The following SLC35F4 variants were observed in gnomAD, a reference collection of about 807,000 sequenced individuals.
The protein encoded by SLC35F4 is solute carrier family 35 member F4.
Under a neutral mutation model 44.2 loss-of-function variants are expected in SLC35F4, and 24 were observed. The observed-to-expected ratio is 0.54, with a 90% CI of 0.39 to 0.76. SLC35F4 has a LOEUF of 0.76. Among genes scored for constraint, SLC35F4 ranks in the 30% least tolerant of loss-of-function variants. SLC35F4 has a pLI of 0.00. For synonymous variants in SLC35F4, 238 were observed against 223.6 expected, an observed-to-expected ratio of 1.06 and a Z score of -0.57; for missense variants, 562 against 586.1, an observed-to-expected ratio of 0.96 and a Z score of 0.42.
intron 1 of SLC35F4, among the ~76,000 whole-genome samples, 152 bp downstream of exon 1, chr14:57,865,570 CG>C (rs1444307752): frequency 1.3e-5 from 2 of 152,248 alleles, no homozygotes; most frequent in South Asian, 2.1e-4. Flanking sequence ...CTTTTCTCCC[CG>C]GGGGGTCCCC....
intron 1 of SLC35F4, among the ~76,000 whole-genome samples, chr14:57,739,190 G>C (rs2076543514): frequency 1.3e-5 from 2 of 152,072 alleles, no homozygotes; most frequent in African/African-American, 4.8e-5. Flanking sequence ...GTACCTCCGG[G>C]TGGTAAATGG....
At chr14:57,631,727 A>T (rs2072786758) in intron 1 of SLC35F4, among the ~76,000 whole-genome samples, 1 of 152,164 alleles carries the variant, frequency 6.6e-6, no homozygotes, top group South Asian at 2.1e-4. Context: ...GTTTTTGATT[A>T]TCAGTGTAGT....
chr14:57,939,814 T>C (rs17093978), intron 1 of SLC35F4, among the ~76,000 whole-genome samples: 14,973 of 152,182 alleles, frequency 0.098, 1,264 homozygotes, highest in African/African-American at 0.23. Context: ...AGTTATAGAG[T>C]AAGTTACATT....
At chr14:57,896,061 C>T (rs550447001) in intron 1 of SLC35F4, among the ~76,000 whole-genome samples, 19 of 152,222 alleles carry the variant, frequency 1.2e-4, no homozygotes, top group East Asian at 7.7e-4. Context: ...CAAAATGCAG[C>T]GCAGACTGAT....
intron 1 of SLC35F4, among the ~76,000 whole-genome samples, chr14:57,954,831 C>T (rs867152284): frequency 3.3e-5 from 5 of 151,580 alleles, no homozygotes; most frequent in Non-Finnish European, 7.4e-5. Flanking sequence ...GATTCACAGC[C>T]GAATTCTACC....
chr14:57,618,515 G>A (rs2071988935), intron 1 of SLC35F4, among the ~76,000 whole-genome samples: 1 of 152,206 alleles, frequency 6.6e-6, no homozygotes, highest in South Asian at 2.1e-4. Context: ...CCCAGATACT[G>A]CGCTTTTCCC....
At chr14:57,940,196 T>C (rs1052438013) in intron 1 of SLC35F4, among the ~76,000 whole-genome samples, 2 of 152,192 alleles carry the variant, frequency 1.3e-5, no homozygotes, top group African/African-American at 4.8e-5. Flanking sequence ...AGTATTGTCA[T>C]CCATTGAATT....
intron 1 of SLC35F4, among the ~76,000 whole-genome samples, chr14:57,741,862 A>G (rs1164253316): frequency 2.0e-5 from 3 of 152,196 alleles, no homozygotes; most frequent in Non-Finnish European, 4.4e-5. Context: ...CCAGCAGACT[A>G]ACAGCAGATC....
intron 1 of SLC35F4, among the ~76,000 whole-genome samples, chr14:57,920,889 A>G (rs1440758401): frequency 6.6e-6 from 1 of 152,222 alleles, no homozygotes; most frequent in Non-Finnish European, 1.5e-5. Flanking sequence ...ACATTTTTAC[A>G]TCAAATGTAT....
chr14:57,622,847 AT>A (rs1033607069), intron 1 of SLC35F4, among the ~76,000 whole-genome samples: 3 of 151,848 alleles, frequency 2.0e-5, no homozygotes, highest in African/African-American at 7.2e-5. Flanking sequence ...AAATAAAAAA[AT>A]TAAAAAAACC....
At chr14:57,803,120 T>C (rs2078231242) in intron 1 of SLC35F4, among the ~76,000 whole-genome samples, 1 of 152,156 alleles carries the variant, frequency 6.6e-6, no homozygotes, top group East Asian at 1.9e-4. Context: ...TCAAGTTGTC[T>C]TCATCCCCAG....
chr14:57,670,112 T>C (rs1284869757), intron 1 of SLC35F4, among the ~76,000 whole-genome samples: 1 of 152,184 alleles, frequency 6.6e-6, no homozygotes, highest in Non-Finnish European at 1.5e-5. Flanking sequence ...TCTGGTTTAT[T>C]TGCATAGAGG....
At chr14:57,593,298 C>T (rs1188129140) in intron 2 of SLC35F4, among the ~76,000 whole-genome samples, 1 of 152,166 alleles carries the variant, frequency 6.6e-6, no homozygotes, top group African/African-American at 2.4e-5. Context: ...GTCTAGTGGA[C>T]CCAGCTGCAT....
At chr14:57,675,514 T>C (rs2074663513) in intron 1 of SLC35F4, among the ~76,000 whole-genome samples, 1 of 152,060 alleles carries the variant, frequency 6.6e-6, no homozygotes, top group Admixed American at 6.6e-5. Context: ...TTTCTTTCTC[T>C]CGTCTGATTG....
intron 1 of SLC35F4, among the ~76,000 whole-genome samples, chr14:57,745,560 C>T (rs1342882067): frequency 2.0e-5 from 3 of 151,992 alleles, no homozygotes; most frequent in Admixed American, 6.6e-5. Context: ...GTTAGAATGG[C>T]GATCATTAAA....
At chr14:57,659,389 G>A (rs1446809515) in intron 1 of SLC35F4, among the ~76,000 whole-genome samples, 1 of 152,146 alleles carries the variant, frequency 6.6e-6, no homozygotes, top group African/African-American at 2.4e-5. Context: ...AGCAGTCAGA[G>A]TTTTTAAGTT....
At chr14:57,769,056 T>C (rs546124817) in intron 1 of SLC35F4, among the ~76,000 whole-genome samples, 1 of 152,278 alleles carries the variant, frequency 6.6e-6, no homozygotes, top group Non-Finnish European at 1.5e-5. Context: ...TTGTAAGGAA[T>C]TTCCAGAAAA....
chr14:57,908,339 C>A (rs575108828), intron 1 of SLC35F4, among the ~76,000 whole-genome samples: 1 of 152,316 alleles, frequency 6.6e-6, no homozygotes, highest in South Asian at 2.1e-4. Context: ...AATGATATTT[C>A]TCGTTCTAGA....
At chr14:57,576,132 T>G (rs2068776266) in intron 4 of SLC35F4, among the ~76,000 whole-genome samples, 1 of 152,204 alleles carries the variant, frequency 6.6e-6, no homozygotes, top group Admixed American at 6.5e-5. Flanking sequence ...TTCACAATTC[T>G]TATTTGCATA....
Sources: gnomAD v4.1 joint callset for allele counts (sites outside exome capture counted in the v4.1 genomes callset) on GRCh38, gnomAD v4.1.1 for gene constraint, MANE v1.5 for transcripts, NCBI Gene and HGNC (gene_info 2026-07-23, HGNC 2026-07-21) for gene names.